The following PLCZ1 variants were observed in gnomAD, a reference collection of about 807,000 sequenced individuals.
PLCZ1 encodes the protein phospholipase C zeta 1, also known as 1-phosphatidylinositol 4,5-bisphosphate phosphodiesterase zeta-1.
PLCZ1 carries 64 observed loss-of-function variants against 76.8 expected under a neutral mutation model. The ratio of observed to expected loss-of-function variants is 0.83; its 90% CI spans 0.68 to 1.03. PLCZ1 has a LOEUF of 1.03. PLCZ1 is among the 50% of genes least tolerant of loss of function. The pLI, the probability that PLCZ1 is intolerant of heterozygous loss-of-function variation, is 0.00. For synonymous variants in PLCZ1, 248 were observed against 230.8 expected (o/e 1.07, Z -0.68); for missense variants, 751 against 713.7 (o/e 1.05, Z -0.60).
At chr12:18,650,664 ATG>A in the PLCZ1 span, among the ~76,000 whole-genome samples, 1,094 of 35,482 alleles carry the variant, frequency 0.031, 20 homozygotes, top group East Asian at 0.082. Context: ...TGGAATATAA[ATG>A]TGTGTGTGTG....
intron 6 of PLCZ1, among the ~76,000 whole-genome samples, chr12:18,711,529 T>TATA (rs71440375): frequency 0.27 from 38,670 of 142,268 alleles, 5,619 homozygotes; most frequent in East Asian, 0.38. Context: ...AAACTTAAAG[T>TATA]ATAATAATAA....
rs1958311459 is a variant in PLCZ1, at chr12:18,719,487, G to A, written c.513C>T (p.Asn171=). The A allele has an allele frequency of 6.3e-7, 1 of 1,586,646 alleles. No homozygotes were observed. Among genetic ancestry groups the A allele is most frequent in the South Asian group, 1.2e-5 (1 of 85,994 alleles). The change falls in exon 5 of 15, where the codon AAC becomes AAT. Residue 171 remains asparagine (N), a synonymous_variant. Coordinates refer to ENST00000266505, the MANE Select transcript of PLCZ1 (RefSeq NM_033123.4). The stretch of plus-strand genomic sequence containing the variant: ...ATAATTGATCAGATACCAAATATGT[G>A]TTATGTGAAGATGAAATAAAATAAT... ...LNDYFISSSH[N]TYLVSDQLLG...
chr12:18,678,566 T>C (rs1952153935), downstream of PLCZ1, among the ~76,000 whole-genome samples: 1 of 152,090 alleles, frequency 6.6e-6, no homozygotes, highest in African/African-American at 2.4e-5. Context: ...AAATTTAATT[T>C]GCATTTTTTG....
At chr12:18,701,606 ATCC>A (rs11279217) in intron 8 of PLCZ1, 38 bp from the exon 9 acceptor site, 22,099 of 1,522,126 alleles carry the variant, frequency 0.015, 70 homozygotes, top group African/African-American at 0.039. Flanking sequence ...CTTTGAATTT[ATCC>A]TCCTCCTCCT....
intron 7 of PLCZ1, among the ~76,000 whole-genome samples, chr12:18,703,515 T>C (rs188354019): frequency 2.0e-5 from 3 of 152,316 alleles, no homozygotes; most frequent in Admixed American, 6.5e-5. Flanking sequence ...ATGTTATACA[T>C]TGACCAGACT....
chr12:18,703,021 C>CATCAAAT (rs1161424249), intron 7 of PLCZ1, among the ~76,000 whole-genome samples: 1 of 151,818 alleles, frequency 6.6e-6, no homozygotes, highest in African/African-American at 2.4e-5. Flanking sequence ...TAATATGGAG[C>CATCAAAT]TAAAATTTGA....
At chr12:18,658,034 A>G in the PLCZ1 span, among the ~76,000 whole-genome samples, 1 of 152,170 alleles carries the variant, frequency 6.6e-6, no homozygotes, top group Non-Finnish European at 1.5e-5. Context: ...TCTGGATTAA[A>G]AAATTATAAC....
chr12:18,691,703 G>A (rs1954113974), intron 12 of PLCZ1, among the ~76,000 whole-genome samples: 1 of 152,140 alleles, frequency 6.6e-6, no homozygotes, highest in Non-Finnish European at 1.5e-5. Context: ...CATTATAATA[G>A]CATTGTAAAG....
Position 18,700,512 on chromosome 12 carries a change from C to CAAAAAAAAAAAAA in PLCZ1, c.1018-575_1018-563dup, listed in dbSNP as rs11324526. ...GCATAACCAGATCAGAGCCAACGTA[C>CAAAAAAAAAAAAA]AAAAAAAAAAAAAAAAAAAAAAAAT... On this transcript the variant is annotated intron_variant, in intron 9 of 14. Coordinates refer to ENST00000266505, the MANE Select transcript of PLCZ1 (RefSeq NM_033123.4). Among the ~76,000 whole-genome samples the CAAAAAAAAAAAAA allele has an allele frequency of 3.4e-4, 23 of 67,892 alleles. 2 individuals carry two copies. The highest frequency in any genetic ancestry group is 5.4e-4 in the East Asian group (1 of 1,854). The allele number at this position is 67,892 out of a possible 152,430, so 44.5% of individuals were successfully genotyped here.
chr12:18,696,321 A>G (rs1954979932), intron 10 of PLCZ1, 55 bp from the exon 11 acceptor site: 2 of 301,294 alleles, frequency 6.6e-6, no homozygotes, highest in South Asian at 2.3e-5. Flanking sequence ...TTAAAAAGCC[A>G]CTATATATAT....
At chr12:18,679,006 T>A (rs778314852), downstream of PLCZ1, among the ~76,000 whole-genome samples, 26 of 152,040 alleles carry the variant, frequency 1.7e-4, no homozygotes, top group Admixed American at 4.6e-4. Flanking sequence ...TTTGGTGTGG[T>A]CATTTGTGTT....
chr12:18,714,328 A>C (rs755929929), intron 5 of PLCZ1, among the ~76,000 whole-genome samples: 1 of 152,246 alleles, frequency 6.6e-6, no homozygotes, highest in Non-Finnish European at 1.5e-5. Flanking sequence ...CAGCAACACT[A>C]ACATAAGGCA....
downstream of PLCZ1, among the ~76,000 whole-genome samples, chr12:18,679,556 A>C (rs1037183055): frequency 3.9e-5 from 6 of 151,986 alleles, no homozygotes; most frequent in African/African-American, 1.4e-4. Flanking sequence ...ACCATAGGCA[A>C]TGTTTATAAT....
chr12:18,723,426 C>T lies in PLCZ1; in HGVS notation c.252G>A (p.Arg84=), dbSNP rs1420855745. ...IEIFNTYSEN[R]KILLASNLAQ... ...CCAGATTACTTGCTAAAAGAATTTT[C>T]CGGTTTTCAGAATATGTGTTGAAAA... The change falls in exon 4 of 15, where the codon CGG becomes CGA. Residue 84 remains arginine (R), a synonymous_variant. Transcript: ENST00000266505. 1 of 1,612,936 alleles carries T rather than the reference C, an allele frequency of 6.2e-7. No homozygotes were observed.
rs1955654545 is a variant in PLCZ1, at chr12:18,699,903, A to G, written c.1065T>C (p.Tyr355=). The change falls in exon 10 of 15, where the codon TAT becomes TAC. Residue 355 remains tyrosine (Y), a synonymous_variant. Transcript: ENST00000266505. ...IALALSDLVI[Y]TKAEKFKSFQ... Reference sequence around the variant, plus strand: ...AGCTTTTGAATTTCTCAGCTTTCGTATAAATGACAAGATCAGATAAGGCCA... The same window carrying G: ...AGCTTTTGAATTTCTCAGCTTTCGTGTAAATGACAAGATCAGATAAGGCCA... 6.2e-7 allele frequency: 1 copy of G among 1,612,572 alleles called. No homozygotes were observed. Among genetic ancestry groups the G allele is most frequent in the Non-Finnish European group, 8.5e-7 (1 of 1,179,392 alleles).
At chr12:18,645,628 G>A in the PLCZ1 span, among the ~76,000 whole-genome samples, 9 of 152,072 alleles carry the variant, frequency 5.9e-5, no homozygotes, top group Admixed American at 2.0e-4. Flanking sequence ...TGTATTTGAT[G>A]GATCTTTTTC....
rs1429645713 is a variant in PLCZ1, at chr12:18,711,531, T to TAATAAC, written c.714+1310_714+1311insGTTATT. Among the ~76,000 whole-genome samples, 712 of 145,348 alleles carry TAATAAC rather than the reference T, an allele frequency of 4.9e-3. 2 individuals carry two copies. The highest frequency in any genetic ancestry group is 0.017 in the African/African-American group (660 of 39,798). ...CACATGTACCCTAAAACTTAAAGTA[T>TAATAAC]AATAATAATAATAATAATAATAATA... On this transcript the variant is annotated intron_variant, in intron 6 of 14. Transcript: ENST00000266505.
At chr12:18,706,210 T>A (rs1956595327) in intron 6 of PLCZ1, among the ~76,000 whole-genome samples, 2 of 150,482 alleles carry the variant, frequency 1.3e-5, no homozygotes. Flanking sequence ...CCAGCCTGGG[T>A]GACGGAATGA....
intron 6 of PLCZ1, among the ~76,000 whole-genome samples, chr12:18,706,557 G>C (rs1956637235): frequency 6.6e-6 from 1 of 152,100 alleles, no homozygotes; most frequent in Non-Finnish European, 1.5e-5. Context: ...GCTCTACAAA[G>C]GTATTTTCTG....
Sources: gnomAD v4.1 joint callset for allele counts (sites outside exome capture counted in the v4.1 genomes callset) on GRCh38, gnomAD v4.1.1 for gene constraint, MANE v1.5 for transcripts, NCBI Gene and HGNC (gene_info 2026-07-23, HGNC 2026-07-21) for gene names.